The following NALF1 variants were observed in gnomAD, a reference collection of about 807,000 sequenced individuals.
NALF1 encodes NALCN channel auxiliary factor 1, also known as family with sequence similarity 155 member A.
Under a neutral mutation model 48.4 loss-of-function variants are expected in NALF1, and 3 were observed. The ratio of observed to expected loss-of-function variants is 0.06; its 90% CI spans 0.03 to 0.16. The LOEUF (loss-of-function observed/expected upper bound fraction) is 0.16, where lower values mean the gene tolerates loss of function less well. Ranked by LOEUF, NALF1 falls within the 10% of genes least tolerant of loss-of-function variation. The pLI is 1.00. For synonymous variants in NALF1, 262 were observed against 245.7 expected, an observed-to-expected ratio of 1.07 and a Z score of -0.62; for missense variants, 526 against 571.5, an observed-to-expected ratio of 0.92 and a Z score of 0.81.
In NALF1 at chr13:107,720,927, G is replaced by C. The variant is rs79612431; in HGVS notation, c.915+144755C>G. Among the ~76,000 whole-genome samples the C allele has an allele frequency of 2.2e-4, 33 of 152,146 alleles. 1 individual carries two copies. In the East Asian group the frequency reaches 4.8e-3, roughly 22 times the overall value. On this transcript the variant is annotated intron_variant, in intron 1 of 2. Coordinates refer to ENST00000375915, the MANE Select transcript of NALF1 (RefSeq NM_001080396.3). ...CAGCACATTCTATTTGTGTACAGCC[G>C]CATCTGATCCAAAGACTGAGCTAAC...
At chr13:107,468,131 T>C (rs1885039276) in intron 1 of NALF1, among the ~76,000 whole-genome samples, 1 of 152,168 alleles carries the variant, frequency 6.6e-6, no homozygotes, top group Admixed American at 6.5e-5. Context: ...CTGTCTGTTT[T>C]TCTGCCATGG....
chr13:107,739,421 A>G (rs918344527), intron 1 of NALF1, among the ~76,000 whole-genome samples: 7 of 147,496 alleles, frequency 4.7e-5, no homozygotes, highest in African/African-American at 7.4e-5. Flanking sequence ...TTCATATATA[A>G]CATATAAAAT....
chr13:107,829,767 G>A (rs895826793), intron 1 of NALF1, among the ~76,000 whole-genome samples: 1 of 152,076 alleles, frequency 6.6e-6, no homozygotes, highest in African/African-American at 2.4e-5. Context: ...CAGTGAAGTT[G>A]GCATTTCTAT....
At chr13:107,862,500 T>C (rs9559177) in intron 1 of NALF1, among the ~76,000 whole-genome samples, 2 of 152,196 alleles carry the variant, frequency 1.3e-5, no homozygotes, top group East Asian at 3.9e-4. Context: ...TACTACTCAA[T>C]TTATGTAATG....
intron 1 of NALF1, among the ~76,000 whole-genome samples, chr13:107,674,703 G>A (rs1881071185): frequency 6.6e-6 from 1 of 152,126 alleles, no homozygotes; most frequent in Admixed American, 6.5e-5. Context: ...GCAGAGACCT[G>A]AAGGGACAAT....
chr13:107,556,641 A>C (rs1013415428), intron 1 of NALF1, among the ~76,000 whole-genome samples: 1 of 147,766 alleles, frequency 6.8e-6, no homozygotes, highest in Non-Finnish European at 1.5e-5. Flanking sequence ...ACAGGCATGC[A>C]CTGCCCTGCC....
At chr13:107,416,206 G>A (rs1255139233) in intron 1 of NALF1, among the ~76,000 whole-genome samples, 2 of 150,020 alleles carry the variant, frequency 1.3e-5, no homozygotes, top group Admixed American at 6.7e-5. Context: ...TAGTAGAGAC[G>A]GGATTTCAAC....
intron 1 of NALF1, among the ~76,000 whole-genome samples, chr13:107,275,052 A>G (rs1436728661): frequency 6.6e-6 from 1 of 152,218 alleles, no homozygotes; most frequent in Admixed American, 6.5e-5. Context: ...CCCTACATGC[A>G]GTATAAAATC....
chr13:107,217,169 A>T (rs1402618268), intron 1 of NALF1, among the ~76,000 whole-genome samples: 2 of 151,996 alleles, frequency 1.3e-5, no homozygotes, highest in African/African-American at 4.8e-5. Context: ...GAACCACTCC[A>T]CTGAGATTGT....
At chr13:107,740,734 G>C (rs1360623499) in intron 1 of NALF1, among the ~76,000 whole-genome samples, 1 of 152,160 alleles carries the variant, frequency 6.6e-6, no homozygotes, top group Non-Finnish European at 1.5e-5. Flanking sequence ...CATTTTCCAT[G>C]CTTCACTGGC....
At chr13:107,250,642 T>C (rs1045050680) in intron 1 of NALF1, among the ~76,000 whole-genome samples, 2 of 152,186 alleles carry the variant, frequency 1.3e-5, no homozygotes, top group Non-Finnish European at 2.9e-5. Context: ...TTTCGGCGCA[T>C]TGGTAGAGCT....
intron 1 of NALF1, among the ~76,000 whole-genome samples, chr13:107,745,958 G>C (rs1160164326): frequency 2.0e-5 from 3 of 152,272 alleles, no homozygotes; most frequent in South Asian, 2.1e-4. Flanking sequence ...AAAATTCTGA[G>C]ACCTATTATT....
intron 1 of NALF1, among the ~76,000 whole-genome samples, chr13:107,816,541 A>G (rs1055583010): frequency 6.6e-4 from 101 of 152,290 alleles, no homozygotes; most frequent in African/African-American, 2.4e-3. Flanking sequence ...CGATTCAATT[A>G]TCTCCCACTG....
At chr13:107,817,927 T>G (rs556755125) in intron 1 of NALF1, among the ~76,000 whole-genome samples, 29 of 152,168 alleles carry the variant, frequency 1.9e-4, no homozygotes, top group Non-Finnish European at 3.2e-4. Flanking sequence ...CTGAAAAAGA[T>G]TTATTGTTAG....
At chr13:107,393,077 G>A (rs943255789) in intron 1 of NALF1, among the ~76,000 whole-genome samples, 2 of 151,998 alleles carry the variant, frequency 1.3e-5, no homozygotes, top group Admixed American at 1.3e-4. Context: ...GTCCAGAGGA[G>A]GAAAGGAAGC....
intron 1 of NALF1, among the ~76,000 whole-genome samples, chr13:107,717,960 C>T (rs1241690714): frequency 6.6e-6 from 1 of 152,196 alleles, no homozygotes; most frequent in South Asian, 2.1e-4. Flanking sequence ...GCTCACTAAG[C>T]TTACTCACTC....
At chr13:107,295,398 C>T (rs538849503) in intron 1 of NALF1, among the ~76,000 whole-genome samples, 6 of 152,224 alleles carry the variant, frequency 3.9e-5, no homozygotes, top group East Asian at 1.9e-4. Flanking sequence ...CATTGATGGA[C>T]GCCCAGGTTG....
At chr13:107,548,429 C>T (rs1877197627) in intron 1 of NALF1, among the ~76,000 whole-genome samples, 1 of 152,096 alleles carries the variant, frequency 6.6e-6, no homozygotes, top group Admixed American at 6.6e-5. Context: ...GCTGAAAAAA[C>T]ATCTGCATGC....
intron 1 of NALF1, among the ~76,000 whole-genome samples, chr13:107,796,787 CAGTT>C (rs1018137304): frequency 2.0e-5 from 3 of 152,120 alleles, no homozygotes; most frequent in Non-Finnish European, 2.9e-5. Flanking sequence ...TCTGAATTAT[CAGTT>C]AGGCTTACCT....
Sources: gnomAD v4.1 joint callset for allele counts (sites outside exome capture counted in the v4.1 genomes callset) on GRCh38, gnomAD v4.1.1 for gene constraint, MANE v1.5 for transcripts, NCBI Gene and HGNC (gene_info 2026-07-23, HGNC 2026-07-21) for gene names.